Variants in IBTK observed in about 807,000 individuals in gnomAD.
IBTK encodes BTK-binding protein.
In IBTK, 83 loss-of-function variants were observed where a neutral mutation model predicts 154.9. The ratio of observed to expected loss-of-function variants is 0.54; its 90% CI spans 0.45 to 0.64. The LOEUF is 0.64. IBTK is among the 30% of genes least tolerant of loss of function. The pLI is 0.00. For missense variants in IBTK, 1,332 were observed against 1,584.6 expected, an observed-to-expected ratio of 0.84 and a Z score of 2.71; for synonymous variants, 515 against 536.1, an observed-to-expected ratio of 0.96 and a Z score of 0.54.
intron 21 of IBTK, among the ~76,000 whole-genome samples, chr6:82,197,911 T>A (rs1769060227): frequency 6.6e-6 from 1 of 152,226 alleles, no homozygotes; most frequent in African/African-American, 2.4e-5. Flanking sequence ...ACTCAAATTT[T>A]CTTCCTTAAC....
chr6:82,201,340 T>G (rs1466228962), intron 19 of IBTK, 82 bp downstream of exon 19: 2 of 899,964 alleles, frequency 2.2e-6, no homozygotes, highest in Non-Finnish European at 3.4e-6. Context: ...ATTAGGAAAC[T>G]ATTCCATTAA....
At chr6:82,186,105 C>T (rs1020208742) in intron 25 of IBTK, among the ~76,000 whole-genome samples, 1 of 152,138 alleles carries the variant, frequency 6.6e-6, no homozygotes, top group Non-Finnish European at 1.5e-5. Flanking sequence ...CACATCCATA[C>T]AAGTTGGCAA....
chr6:82,246,979 T>C (rs1376201211), intron 1 of IBTK, among the ~76,000 whole-genome samples: 1 of 152,212 alleles, frequency 6.6e-6, no homozygotes, highest in African/African-American at 2.4e-5. Context: ...GTTACCTAAT[T>C]CGCAGCTGAA....
intron 25 of IBTK, chr6:82,188,929 C>T: frequency 2.8e-6 from 1 of 354,822 alleles, no homozygotes; most frequent in African/African-American, 2.2e-5. Flanking sequence ...ATTCAGGAGG[C>T]TGAGACAGAA....
chr6:82,211,901 A>G (rs1769663118), intron 13 of IBTK, among the ~76,000 whole-genome samples: 1 of 151,776 alleles, frequency 6.6e-6, no homozygotes, highest in African/African-American at 2.4e-5. Context: ...TATTTGTAGT[A>G]GCTAATCTGG....
intron 24 of IBTK, 43 bp downstream of exon 24, chr6:82,191,744 G>T: frequency 8.4e-7 from 1 of 1,184,430 alleles, no homozygotes; most frequent in Non-Finnish European, 1.3e-6. Context: ...TCTTAGGGCA[G>T]AAATACAACA....
intron 8 of IBTK, 129 bp from the exon 9 acceptor site, chr6:82,220,842 G>T: frequency 1.4e-6 from 1 of 717,482 alleles, no homozygotes; most frequent in Non-Finnish European, 2.1e-6. Flanking sequence ...AAATGATTTG[G>T]TCTTTGGTAT....
chr6:82,172,689 G>A, intron 27 of IBTK, 177 bp from the exon 28 acceptor site: 1 of 562,020 alleles, frequency 1.8e-6, no homozygotes, highest in East Asian at 3.1e-5. Flanking sequence ...CTAAATTTTT[G>A]CATGCAAAAT....
Position 82,171,293 on chromosome 6 carries a change from C to A in IBTK, c.*132G>T, listed in dbSNP as rs1271490443. The A allele has an allele frequency of 1.5e-5, 9 of 584,544 alleles. No homozygotes were observed. Among genetic ancestry groups the A allele is most frequent in the Non-Finnish European group, 1.1e-5 (4 of 352,042 alleles). The allele number at this position is 584,544 out of a possible 1,614,324, so 36.2% of individuals were successfully genotyped here. A position where few individuals can be genotyped will look rare whatever the true frequency, so the allele number is the denominator to read the frequency against. On this transcript the variant is annotated 3_prime_UTR_variant, in exon 29 of 29. Transcript: ENST00000306270. ...ATACAAACATTATATGATTTAACTGCAGTAAAGAAATTATATCTTTTCTTA... is the reference window on the plus strand; with the variant it reads ...ATACAAACATTATATGATTTAACTGAAGTAAAGAAATTATATCTTTTCTTA...
chr6:82,176,080 A>G (rs1351837684), intron 26 of IBTK, among the ~76,000 whole-genome samples: 1 of 152,088 alleles, frequency 6.6e-6, no homozygotes, highest in African/African-American at 2.4e-5. Flanking sequence ...ATATTGTCAC[A>G]TTTACACTTT....
intron 16 of IBTK, chr6:82,206,018 T>G (rs567872816): frequency 3.5e-4 from 54 of 152,144 alleles, no homozygotes; most frequent in African/African-American, 1.2e-3. Context: ...AACAGACAAC[T>G]GTGGAAAATT....
chr6:82,179,334 GATGGGT>G (rs369489382), intron 26 of IBTK, among the ~76,000 whole-genome samples: 47 of 152,300 alleles, frequency 3.1e-4, no homozygotes, highest in African/African-American at 1.1e-3. Flanking sequence ...GGTTTTATGA[GATGGGT>G]ATGAGGAAAA....
intron 21 of IBTK, among the ~76,000 whole-genome samples, chr6:82,198,806 TAA>T (rs528285967): frequency 6.6e-6 from 1 of 152,140 alleles, no homozygotes; most frequent in Non-Finnish European, 1.5e-5. Flanking sequence ...AAGAAACTAC[TAA>T]AACGTATATA....
chr6:82,209,904 GA>G (rs1271659764), intron 16 of IBTK, among the ~76,000 whole-genome samples: 4 of 152,072 alleles, frequency 2.6e-5, no homozygotes, highest in Non-Finnish European at 5.9e-5. Flanking sequence ...CTGCTTTTTA[GA>G]GAATTACTCT....
chr6:82,224,061 T>G lies in IBTK; in HGVS notation c.943+7A>C, dbSNP rs1770204473. 4 of 1,430,734 alleles carry G rather than the reference T, an allele frequency of 2.8e-6. No individual in the cohort carries two copies. The highest frequency in any genetic ancestry group is 3.9e-6 in the Non-Finnish European group (4 of 1,028,852). The allele number at this position is 1,430,734 out of a possible 1,614,324, so 88.6% of individuals were successfully genotyped here. ...ATTTCCAGATATTGTCATTAAGGAT[T>G]TCTTACCCAGTTGTCCACCATTTAG... On this transcript the variant is annotated splice_region_variant and intron_variant, in intron 7 of 28. Coordinates refer to ENST00000306270, the MANE Select transcript of IBTK (RefSeq NM_015525.4).
intron 16 of IBTK, among the ~76,000 whole-genome samples, chr6:82,208,839 T>C (rs1294772369): frequency 2.6e-5 from 4 of 152,122 alleles, no homozygotes; most frequent in Non-Finnish European, 5.9e-5. Context: ...GCAAATCATA[T>C]ATCCCATAAG....
At position 82,211,395 on chromosome 6, in the gene IBTK, T is replaced by C. The variant is rs904574180; in HGVS notation, c.2384A>G (p.His795Arg). 6.2e-7 allele frequency: 1 copy of C among 1,609,186 alleles called. No individual in the cohort carries two copies. The highest frequency in any genetic ancestry group is 1.1e-5 in the South Asian group (1 of 90,158). The change falls in exon 15 of 29, where the codon CAT becomes CGT. Residue 795 changes from histidine to arginine, a missense_variant. Coordinates refer to ENST00000306270, the MANE Select transcript of IBTK (RefSeq NM_015525.4). ...CVLCARLEYF[H>R]SMLSSSWIEA... is the part of the protein sequence containing the mutation. ...AATCCATGAGCTACTCAGCATACTA[T>C]GAAAATATTCTAAAAGAAAAAAAAG...
intron 2 of IBTK, 84 bp from the exon 3 acceptor site, chr6:82,234,339 A>AT (rs370999079): frequency 0.047 from 16,224 of 346,410 alleles, no homozygotes; most frequent in Middle Eastern, 0.062. Context: ...TTTTATTATT[A>AT]TTTTTTTTTT....
At chr6:82,236,085 G>T (rs1770704608) in intron 2 of IBTK, among the ~76,000 whole-genome samples, 1 of 152,150 alleles carries the variant, frequency 6.6e-6, no homozygotes, top group African/African-American at 2.4e-5. Flanking sequence ...TGTTGCCCAG[G>T]CTGGTTTCGA....
Sources: gnomAD v4.1 joint callset for allele counts (sites outside exome capture counted in the v4.1 genomes callset) on GRCh38, gnomAD v4.1.1 for gene constraint, MANE v1.5 for transcripts, NCBI Gene and HGNC (gene_info 2026-07-23, HGNC 2026-07-21) for gene names.